JPH2: variants seen among roughly 807,000 people sequenced by gnomAD.
The protein encoded by JPH2 is junctophilin-2.
In JPH2, 38 loss-of-function variants were observed where a neutral mutation model predicts 55.9. The ratio of observed to expected loss-of-function variants is 0.68; its 90% CI spans 0.52 to 0.89. The LOEUF (loss-of-function observed/expected upper bound fraction) is 0.89. JPH2 is among the 40% of genes least tolerant of loss of function. JPH2 has a pLI of 0.00. For missense variants in JPH2, 964 were observed against 1,037.6 expected, an observed-to-expected ratio of 0.93 and a Z score of 0.97; for synonymous variants, 480 against 472.4, an observed-to-expected ratio of 1.02 and a Z score of -0.21.
At chr20:44,128,961 G>C (rs1201145094) in intron 2 of JPH2, among the ~76,000 whole-genome samples, 1 of 152,196 alleles carries the variant, frequency 6.6e-6, no homozygotes, top group Non-Finnish European at 1.5e-5. Flanking sequence ...AGGTTATGAA[G>C]AGCCCCTATC....
At chr20:44,135,830 G>A (rs2072408516) in intron 2 of JPH2, among the ~76,000 whole-genome samples, 1 of 152,098 alleles carries the variant, frequency 6.6e-6, no homozygotes, top group African/African-American at 2.4e-5. Context: ...GCCCAGAGAA[G>A]TCTGTGTGAT....
chr20:44,168,267 C>T (rs1005321731), intron 1 of JPH2, among the ~76,000 whole-genome samples: 1 of 152,132 alleles, frequency 6.6e-6, no homozygotes, highest in African/African-American at 2.4e-5. Flanking sequence ...CATGTTTGTG[C>T]TCTGGAATAC....
chr20:44,130,972 A>G (rs1189348867), intron 2 of JPH2, among the ~76,000 whole-genome samples: 1 of 152,188 alleles, frequency 6.6e-6, no homozygotes, highest in Non-Finnish European at 1.5e-5. Context: ...TCCCTGACTT[A>G]CTAGCTTTCA....
intron 2 of JPH2, among the ~76,000 whole-genome samples, chr20:44,138,415 T>G (rs1337779215): frequency 6.9e-5 from 10 of 144,084 alleles, no homozygotes; most frequent in African/African-American, 2.6e-4. Context: ...GTCTGGCTCT[T>G]TCGCCCAGGC....
intron 2 of JPH2, among the ~76,000 whole-genome samples, chr20:44,123,196 C>G (rs1018868099): frequency 6.6e-6 from 1 of 152,196 alleles, no homozygotes; most frequent in Admixed American, 6.5e-5. Flanking sequence ...CAGCCCTTCT[C>G]CCCTGTCCCA....
In JPH2 at chr20:44,187,098, G is replaced by T. The variant is rs6031444; in HGVS notation, c.-393C>A. 0.6 allele frequency: 112,092 copies of T among 185,772 alleles called. 34,627 individuals are homozygous for T. The highest frequency in any genetic ancestry group is 0.71 in the African/African-American group (30,148 of 42,516). 11.5% of individuals were successfully genotyped at this position (185,772 alleles called of 1,614,324 possible). ...GGGTCCCCAGCCTTTTCAAAGAGGGGAAATTCCCCTCGGTGGCAGCCCCCG... is the reference window on the plus strand; with the variant it reads ...GGGTCCCCAGCCTTTTCAAAGAGGGTAAATTCCCCTCGGTGGCAGCCCCCG... On this transcript the variant is annotated 5_prime_UTR_variant, in exon 1 of 6. Transcript: ENST00000372980.
chr20:44,181,138 A>G (rs2072780239), intron 1 of JPH2, among the ~76,000 whole-genome samples: 1 of 152,148 alleles, frequency 6.6e-6, no homozygotes, highest in Admixed American at 6.5e-5. Context: ...CGAGAGCTGG[A>G]GAGCTTATCC....
At chr20:44,127,916 T>C (rs554513640) in intron 2 of JPH2, among the ~76,000 whole-genome samples, 1 of 152,362 alleles carries the variant, frequency 6.6e-6, no homozygotes, top group East Asian at 1.9e-4. Flanking sequence ...CTTGTATATC[T>C]TCTTAGGATA....
At chr20:44,162,321 C>T (rs924824162) in intron 1 of JPH2, among the ~76,000 whole-genome samples, 1 of 152,182 alleles carries the variant, frequency 6.6e-6, no homozygotes, top group African/African-American at 2.4e-5. Context: ...CTCCAGATAT[C>T]CTTCAAGTCT....
intron 1 of JPH2, among the ~76,000 whole-genome samples, chr20:44,174,080 C>A (rs2145891489): frequency 6.6e-6 from 1 of 152,320 alleles, no homozygotes; most frequent in East Asian, 1.9e-4. Context: ...TCCCCACTCA[C>A]CACTTCCGCA....
At chr20:44,158,017 G>A (rs1050591229) in intron 2 of JPH2, among the ~76,000 whole-genome samples, 1 of 152,206 alleles carries the variant, frequency 6.6e-6, no homozygotes, top group Admixed American at 6.5e-5. Context: ...AATAAGAACA[G>A]TATCTACCTT....
At chr20:44,127,948 C>T (rs1206371487) in intron 2 of JPH2, among the ~76,000 whole-genome samples, 1 of 152,118 alleles carries the variant, frequency 6.6e-6, no homozygotes, top group African/African-American at 2.4e-5. Flanking sequence ...AGATCCGTTG[C>T]CAGATTTTAA....
rs1569192797 is a variant in JPH2, at chr20:44,134,093, TATATTTATTATAAATATATAAATAA to T, written c.1170-15495_1170-15471del. Among the ~76,000 whole-genome samples, 4 of 24,242 alleles carry T rather than the reference TATATTTATTATAAATATATAAATAA, an allele frequency of 1.7e-4. No individual in the cohort carries two copies. The South Asian group carries it at 4.1e-3, about 25-fold the overall frequency. The allele number at this position is 24,242 out of a possible 152,430, so 15.9% of individuals were successfully genotyped here. A position where few individuals can be genotyped will look rare whatever the true frequency, so the allele number is the denominator to read the frequency against. On this transcript the variant is annotated intron_variant, in intron 2 of 5. Coordinates refer to ENST00000372980, the MANE Select transcript of JPH2 (RefSeq NM_020433.5). ...TATAAATATATATTTATTATAAATA[TATATTTATTATAAATATATAAATAA>T]ATATTTATTATAAATATATAAATAA... is the stretch of plus-strand genomic sequence containing the variant.
intron 2 of JPH2, among the ~76,000 whole-genome samples, chr20:44,133,402 A>G (rs2072338581): frequency 6.6e-6 from 1 of 152,054 alleles, no homozygotes. Flanking sequence ...TATTCCTTAC[A>G]ACAATCCTAG....
intron 2 of JPH2, among the ~76,000 whole-genome samples, chr20:44,146,355 C>T (rs2072494522): frequency 6.6e-6 from 1 of 152,086 alleles, no homozygotes; most frequent in Non-Finnish European, 1.5e-5. Context: ...ATTGTTCTAA[C>T]ATCTCCTTGC....
intron 1 of JPH2, chr20:44,178,097 A>T (rs1021188460): frequency 1.3e-6 from 1 of 757,100 alleles, no homozygotes; most frequent in Non-Finnish European, 2.5e-6. Context: ...AGTTGCTTAA[A>T]TATCACATGT....
At chr20:44,126,310 A>T (rs2072277075) in intron 2 of JPH2, among the ~76,000 whole-genome samples, 1 of 152,066 alleles carries the variant, frequency 6.6e-6, no homozygotes, top group Non-Finnish European at 1.5e-5. Flanking sequence ...TAATTTTAAA[A>T]ATCCTTCAGC....
At chr20:44,185,697 G>GGATA (rs1298799789) in intron 1 of JPH2, among the ~76,000 whole-genome samples, 28 of 151,840 alleles carry the variant, frequency 1.8e-4, no homozygotes, top group Admixed American at 1.8e-3. Flanking sequence ...ATGGATGGAT[G>GGATA]GATGGATGGA....
chr20:44,127,775 A>G (rs2145847817), intron 2 of JPH2, among the ~76,000 whole-genome samples: 1 of 152,244 alleles, frequency 6.6e-6, no homozygotes, highest in Admixed American at 6.5e-5. Flanking sequence ...GGCGTGAGCC[A>G]CCGCGCCCGG....
Sources: gnomAD v4.1 joint callset for allele counts (sites outside exome capture counted in the v4.1 genomes callset) on GRCh38, gnomAD v4.1.1 for gene constraint, MANE v1.5 for transcripts, NCBI Gene and HGNC (gene_info 2026-07-23, HGNC 2026-07-21) for gene names.